The following NTN1 variants were observed in gnomAD, a reference collection of about 807,000 sequenced individuals.
NTN1 encodes netrin 1.
Under a neutral mutation model 54.2 loss-of-function variants are expected in NTN1, and 11 were observed. The observed-to-expected ratio is 0.20, with a 90% CI of 0.13 to 0.34. NTN1 has a LOEUF of 0.34. Among genes scored for constraint, NTN1 ranks in the 10% least tolerant of loss-of-function variants. The pLI is 1.00. For missense variants in NTN1, 740 were observed against 893.1 expected, an observed-to-expected ratio of 0.83 and a Z score of 2.18; for synonymous variants, 371 against 382.0, an observed-to-expected ratio of 0.97 and a Z score of 0.33.
At chr17:9,238,462 G>A (rs1906067916) in intron 6 of NTN1, among the ~76,000 whole-genome samples, 1 of 152,172 alleles carries the variant, frequency 6.6e-6, no homozygotes, top group Non-Finnish European at 1.5e-5. Context: ...CTCTTGAACA[G>A]AGGTGAGTAC....
At chr17:9,031,979 T>TTA (rs543999809) in intron 2 of NTN1, among the ~76,000 whole-genome samples, 3 of 139,926 alleles carry the variant, frequency 2.1e-5, no homozygotes, top group African/African-American at 2.6e-5. Flanking sequence ...AAAAAGAAGA[T>TTA]AAAAAAAAAA....
chr17:9,238,626 G>A (rs1378044321), intron 6 of NTN1, among the ~76,000 whole-genome samples: 2 of 152,206 alleles, frequency 1.3e-5, no homozygotes, highest in East Asian at 1.9e-4. Flanking sequence ...ACCAACACAC[G>A]TATACAGGAT....
chr17:9,073,755 T>C (rs1158038521), intron 2 of NTN1, among the ~76,000 whole-genome samples: 2 of 152,226 alleles, frequency 1.3e-5, no homozygotes, highest in Non-Finnish European at 2.9e-5. Context: ...TTCCAGAGAC[T>C]TGGAGATCCA....
At chr17:9,055,959 G>T (rs559494174) in intron 2 of NTN1, among the ~76,000 whole-genome samples, 2 of 151,920 alleles carry the variant, frequency 1.3e-5, no homozygotes, top group Admixed American at 1.3e-4. Flanking sequence ...GTGCAATGGC[G>T]CAATCTGTGC....
At chr17:9,065,818 T>G (rs2092013395) in intron 2 of NTN1, among the ~76,000 whole-genome samples, 1 of 152,186 alleles carries the variant, frequency 6.6e-6, no homozygotes, top group Non-Finnish European at 1.5e-5. Context: ...CATCTACTGA[T>G]CCAAGAAAAG....
At chr17:9,121,106 C>T (rs1476327974) in intron 2 of NTN1, among the ~76,000 whole-genome samples, 6 of 152,040 alleles carry the variant, frequency 3.9e-5, no homozygotes, top group African/African-American at 1.4e-4. Context: ...AAGAAGGAAG[C>T]GGATGGCCCT....
chr17:9,173,020 A>G (rs2092391474), intron 3 of NTN1: 1 of 151,634 alleles, frequency 6.6e-6, no homozygotes, highest in African/African-American at 2.4e-5. Context: ...ATAAGAAGAA[A>G]CTCCTTCCCT....
chr17:9,037,704 G>A lies in NTN1; in HGVS notation c.1018+14313G>A, dbSNP rs186216198. ...CAAATTTTTGCTGTCACCTTAGCCC[G>A]ATGGACAAAGCTTCTTCGTCCCCTT... is the stretch of plus-strand genomic sequence containing the variant. On this transcript the variant is annotated intron_variant, in intron 2 of 6. Coordinates refer to ENST00000173229, the MANE Select transcript of NTN1 (RefSeq NM_004822.3). 6.6e-5 allele frequency among the ~76,000 whole-genome samples: 10 copies of A among 152,182 alleles called. No individual in the cohort carries two copies. In the East Asian group the frequency reaches 1.3e-3, roughly 21 times the overall value.
chr17:9,111,005 G>T (rs2092188544), intron 2 of NTN1, among the ~76,000 whole-genome samples: 1 of 148,522 alleles, frequency 6.7e-6, no homozygotes, highest in African/African-American at 2.5e-5. Flanking sequence ...CGCGATCTCG[G>T]CTTACTGCAA....
At chr17:9,180,214 T>G (rs2092414690) in intron 4 of NTN1, among the ~76,000 whole-genome samples, 2 of 152,264 alleles carry the variant, frequency 1.3e-5, no homozygotes, top group Admixed American at 1.3e-4. Flanking sequence ...GATTTTTGTC[T>G]TTTTAATAGA....
In NTN1 at chr17:9,242,913, TAGGA is replaced by T. The variant is rs764854170; in HGVS notation, c.*2949_*2952del. 14 of 152,146 alleles carry T rather than the reference TAGGA, an allele frequency of 9.2e-5. No individual in the cohort carries two copies. Among genetic ancestry groups the T allele is most frequent in the Non-Finnish European group, 1.9e-4 (13 of 68,032 alleles). The allele number at this position is 152,146 out of a possible 1,614,324, so 9.4% of individuals were successfully genotyped here. A position where few individuals can be genotyped will look rare whatever the true frequency, so the allele number is the denominator to read the frequency against. On this transcript the variant is annotated 3_prime_UTR_variant, in exon 7 of 7. Coordinates refer to ENST00000173229, the MANE Select transcript of NTN1 (RefSeq NM_004822.3). ...ATTGAGGTGTCCCGGTTTGTACAGT[TAGGA>T]AGGGATGTAAAACGGAACTAGATTT... is the stretch of plus-strand genomic sequence containing the variant.
At chr17:9,214,694 C>T (rs1301193127) in intron 5 of NTN1, among the ~76,000 whole-genome samples, 2 of 152,132 alleles carry the variant, frequency 1.3e-5, no homozygotes, top group Non-Finnish European at 1.5e-5. Context: ...TGGTGGCAGG[C>T]GCCTGTAGTC....
intron 2 of NTN1, among the ~76,000 whole-genome samples, chr17:9,147,057 G>C (rs889338280): frequency 6.6e-6 from 1 of 152,168 alleles, no homozygotes; most frequent in Non-Finnish European, 1.5e-5. Flanking sequence ...TCTCCATGAG[G>C]AAGAGCTTGT....
At chr17:9,181,755 CT>C (rs2092419493) in intron 4 of NTN1, among the ~76,000 whole-genome samples, 2 of 152,236 alleles carry the variant, frequency 1.3e-5, no homozygotes, top group Admixed American at 1.3e-4. Flanking sequence ...CAGATGGTGG[CT>C]AGAGTCAGTG....
intron 5 of NTN1, among the ~76,000 whole-genome samples, chr17:9,215,825 C>T (rs181236725): frequency 6.6e-6 from 1 of 152,170 alleles, no homozygotes. Flanking sequence ...TTTTGGAAAA[C>T]TTCAGTGAGC....
chr17:9,059,749 C>T (rs2091990154), intron 2 of NTN1, among the ~76,000 whole-genome samples: 2 of 150,788 alleles, frequency 1.3e-5, no homozygotes, highest in South Asian at 4.2e-4. Context: ...GGTTGTACAG[C>T]TTTGGGAATG....
intron 2 of NTN1, among the ~76,000 whole-genome samples, chr17:9,158,336 G>A (rs1326596171): frequency 1.3e-5 from 2 of 152,206 alleles, no homozygotes; most frequent in African/African-American, 2.4e-5. Context: ...GGGGCTCAGA[G>A]GTTAGGGCAG....
chr17:9,046,310 A>G (rs752535298), intron 2 of NTN1, among the ~76,000 whole-genome samples: 11 of 152,232 alleles, frequency 7.2e-5, no homozygotes, highest in Non-Finnish European at 1.2e-4. Context: ...ATCATTAGCC[A>G]TCAGGGAACT....
At chr17:9,021,065 A>T (rs1460394643), upstream of NTN1, among the ~76,000 whole-genome samples, 1 of 152,128 alleles carries the variant, frequency 6.6e-6, no homozygotes, top group African/African-American at 2.4e-5. Flanking sequence ...GCTGGGTTAG[A>T]GGAAGGCCCG....
Sources: gnomAD v4.1 joint callset for allele counts (sites outside exome capture counted in the v4.1 genomes callset) on GRCh38, gnomAD v4.1.1 for gene constraint, MANE v1.5 for transcripts, NCBI Gene and HGNC (gene_info 2026-07-23, HGNC 2026-07-21) for gene names.